L3MBTL2: variants seen among roughly 807,000 people sequenced by gnomAD.
The protein encoded by L3MBTL2 is L3MBTL histone methyl-lysine binding protein 2.
L3MBTL2 carries 49 observed loss-of-function variants against 86.4 expected under a neutral mutation model. The observed-to-expected ratio is 0.57, with a 90% CI of 0.45 to 0.72. The LOEUF is 0.72. L3MBTL2 is among the 30% of genes least tolerant of loss of function. L3MBTL2 has a pLI of 0.00. For missense variants in L3MBTL2, 755 were observed against 923.7 expected, an observed-to-expected ratio of 0.82 and a Z score of 2.37; for synonymous variants, 336 against 350.6, an observed-to-expected ratio of 0.96 and a Z score of 0.47.
chr22:41,212,542 C>T (rs1167751424), intron 2 of L3MBTL2, among the ~76,000 whole-genome samples: 11 of 151,722 alleles, frequency 7.3e-5, no homozygotes, highest in East Asian at 3.9e-4. Context: ...GGATTATAGA[C>T]GCCCACCACC....
In L3MBTL2 at chr22:41,227,791, C is replaced by G. The variant is rs771988586; in HGVS notation, c.1823-13C>G. 6.8e-6 allele frequency: 11 copies of G among 1,613,680 alleles called. No homozygotes were observed. The highest frequency in any genetic ancestry group is 9.3e-6 in the Non-Finnish European group (11 of 1,179,794). ...CTCTTCTCATCTCTTTCACCCTTGTCTTTCAACAACAGAACCGGCCACACC... is the reference window on the plus strand; with the variant it reads ...CTCTTCTCATCTCTTTCACCCTTGTGTTTCAACAACAGAACCGGCCACACC... On this transcript the variant is annotated splice_polypyrimidine_tract_variant and intron_variant, in intron 14 of 16. Coordinates refer to ENST00000216237, the MANE Select transcript of L3MBTL2 (RefSeq NM_031488.5). This position sits in a 1 kb window ranked among gnomAD's most constrained non-coding sequence, Gnocchi z 6.0.
intron 8 of L3MBTL2, among the ~76,000 whole-genome samples, chr22:41,222,143 T>C (rs958968799): frequency 2.6e-5 from 4 of 151,948 alleles, no homozygotes; most frequent in Non-Finnish European, 5.9e-5. Flanking sequence ...CCTCAAGTGA[T>C]CCACCTGCCT....
rs1396233756 is a variant in L3MBTL2, at chr22:41,230,350, CCT to C, written c.*104_*105del. ...ACCTGACTTTGGCTTGGAGACTGAT[CCT>C]CTCTGTGTAAATTCTGCCCGGTGCT... On this transcript the variant is annotated 3_prime_UTR_variant, in exon 17 of 17. Transcript: ENST00000216237. 1.1e-6 allele frequency: 1 copy of C among 873,488 alleles called. No homozygotes were observed. The highest frequency in any genetic ancestry group is 1.9e-6 in the Non-Finnish European group (1 of 534,934). The allele number at this position is 873,488 out of a possible 1,614,324, so 54.1% of individuals were successfully genotyped here. A position where few individuals can be genotyped will look rare whatever the true frequency, so the allele number is the denominator to read the frequency against.
rs2032044246 is a variant in L3MBTL2 at position 41,224,392 on chromosome 22, A to G, written c.1174+141A>G. On this transcript the variant is annotated intron_variant, in intron 9 of 16. Coordinates refer to ENST00000216237, the MANE Select transcript of L3MBTL2 (RefSeq NM_031488.5). The surrounding 1 kb of genome is among the most constrained non-coding windows in gnomAD (Gnocchi z 4.9). ...GCAGTGATGATACTGAGCTCCAGAG[A>G]GCTTGAGTAACTTGACAAAAGTCAC... is the stretch of plus-strand genomic sequence containing the variant. 1.6e-6 allele frequency: 1 copy of G among 640,082 alleles called. No individual in the cohort carries two copies. The highest frequency in any genetic ancestry group is 1.8e-5 in the African/African-American group (1 of 54,548). The allele number at this position is 640,082 out of a possible 1,614,324, so 39.7% of individuals were successfully genotyped here. A position where few individuals can be genotyped will look rare whatever the true frequency, so the allele number is the denominator to read the frequency against.
At chr22:41,219,360 C>G in intron 5 of L3MBTL2, 59 bp from the exon 6 acceptor site, 2 of 1,297,344 alleles carry the variant, frequency 1.5e-6, no homozygotes, top group Admixed American at 3.4e-5. Context: ...GTGAGGCAGT[C>G]TGTCTCCCCT....
Position 41,229,548 on chromosome 22 carries a change from AT to A in L3MBTL2, c.1898del (p.Ile633ThrfsTer42). 6.2e-7 allele frequency: 1 copy of A among 1,610,574 alleles called. No homozygotes were observed. Among genetic ancestry groups the A allele is most frequent in the Non-Finnish European group, 8.5e-7 (1 of 1,177,330 alleles). On this transcript the variant is annotated frameshift_variant, in exon 16 of 17. Transcript: ENST00000216237. LOFTEE classifies it high-confidence loss of function. ...TCCATTTTTATTCAAAGGGAAAAGA[AT>A]CCCGCCCACTAAGACGCGACCCCTC... ...KKQFGKKRKR[I>X]PPTKTRPLRQ...
chr22:41,213,167 A>C (rs955232033), intron 2 of L3MBTL2, among the ~76,000 whole-genome samples: 5 of 152,328 alleles, frequency 3.3e-5, no homozygotes, highest in Admixed American at 3.3e-4. Context: ...CAGTGAGCCA[A>C]GATTGCGCCA....
At chr22:41,230,105 C>G in intron 16 of L3MBTL2, 34 bp from the exon 17 acceptor site, 1 of 383,726 alleles carries the variant, frequency 2.6e-6, no homozygotes, top group Non-Finnish European at 5.0e-6. Context: ...GAGTTATTTA[C>G]TCGCCCACCC....
chr22:41,227,542 CTCT>C lies in L3MBTL2; in HGVS notation c.1822+220_1822+222del. On this transcript the variant is annotated intron_variant, in intron 14 of 16. Coordinates refer to ENST00000216237, the MANE Select transcript of L3MBTL2 (RefSeq NM_031488.5). This position sits in a 1 kb window ranked among gnomAD's most constrained non-coding sequence, Gnocchi z 6.0. ...AGAGCTCCTTCCTTCATCTTGCCCA[CTCT>C]GTCATATGTTCGTGCCCTTGTGCAC... is the stretch of plus-strand genomic sequence containing the variant. The C allele has an allele frequency of 6.6e-7, 1 of 1,509,594 alleles. No homozygotes were observed. Among genetic ancestry groups the C allele is most frequent in the Non-Finnish European group, 9.0e-7 (1 of 1,110,444 alleles). The allele number at this position is 1,509,594 out of a possible 1,614,324, so 93.5% of individuals were successfully genotyped here. A position where few individuals can be genotyped will look rare whatever the true frequency, so the allele number is the denominator to read the frequency against.
chr22:41,209,386 C>G (rs2030525540), intron 1 of L3MBTL2: 1 of 266,498 alleles, frequency 3.8e-6, no homozygotes. Context: ...GGATTACAGG[C>G]ATGAGCCACC....
chr22:41,230,306 C>T lies in L3MBTL2; in HGVS notation c.*55C>T, dbSNP rs1271106822. 6 of 1,244,640 alleles carry T rather than the reference C, an allele frequency of 4.8e-6. No homozygotes were observed. The highest frequency in any genetic ancestry group is 5.9e-6 in the Non-Finnish European group (5 of 848,924). The allele number at this position is 1,244,640 out of a possible 1,614,324, so 77.1% of individuals were successfully genotyped here. A position where few individuals can be genotyped will look rare whatever the true frequency, so the allele number is the denominator to read the frequency against. ...TGGAAGCCAGCCCAGCGTTTCTCTACCACCACCACCATGCCTCCACCTGAC... is the reference window on the plus strand; with the variant it reads ...TGGAAGCCAGCCCAGCGTTTCTCTATCACCACCACCATGCCTCCACCTGAC... On this transcript the variant is annotated 3_prime_UTR_variant, in exon 17 of 17. Transcript: ENST00000216237.
intron 1 of L3MBTL2, chr22:41,205,883 T>C (rs2030171503): frequency 6.2e-6 from 1 of 161,008 alleles, no homozygotes; most frequent in African/African-American, 2.4e-5. Context: ...CCCAGGAAGT[T>C]ACCCCGGCTG....
chr22:41,213,662 T>C (rs1189977164), intron 2 of L3MBTL2: 6 of 396,280 alleles, frequency 1.5e-5, no homozygotes. Flanking sequence ...GGATTTCCAT[T>C]AGCCCCTCTG....
chr22:41,210,698 A>G (rs1485183571), intron 2 of L3MBTL2, among the ~76,000 whole-genome samples: 1 of 152,026 alleles, frequency 6.6e-6, no homozygotes, highest in Non-Finnish European at 1.5e-5. Flanking sequence ...TCCTGAACTC[A>G]GGTGATCCAC....
rs766487650 is a variant in L3MBTL2 at position 41,225,458 on chromosome 22, C to T, written c.1357-336C>T. Among the ~76,000 whole-genome samples, 8 of 152,220 alleles carry T rather than the reference C, an allele frequency of 5.3e-5. No homozygotes were observed. The highest frequency in any genetic ancestry group is 1.2e-4 in the Non-Finnish European group (8 of 68,036). ...CCTCCTCCTGAGCAGCACCCCCACC[C>T]CTCCTTGGCCCTCCTGGAGGAGGCT... On this transcript the variant is annotated intron_variant, in intron 11 of 16. Coordinates refer to ENST00000216237, the MANE Select transcript of L3MBTL2 (RefSeq NM_031488.5). The surrounding 1 kb of genome is among the most constrained non-coding windows in gnomAD (Gnocchi z 4.1).
intron 8 of L3MBTL2, among the ~76,000 whole-genome samples, chr22:41,222,930 A>T (rs1163396501): frequency 6.6e-6 from 1 of 152,208 alleles, no homozygotes; most frequent in Admixed American, 6.5e-5. Context: ...TTTCAAAAAA[A>T]AAAACAAAAA....
At chr22:41,228,276 C>T (rs539325687) in intron 15 of L3MBTL2, 148 of 985,336 alleles carry the variant, frequency 1.5e-4, no homozygotes, top group Admixed American at 1.2e-3. Context: ...ATTCTTACCT[C>T]GAGACCTCTT....
In L3MBTL2 at chr22:41,227,906, CCTGGGAGCAGTGGG is replaced by C; in HGVS notation, c.1888+39_1888+52del. The C allele has an allele frequency of 6.2e-7, 1 of 1,606,028 alleles. No individual in the cohort carries two copies. The highest frequency in any genetic ancestry group is 8.5e-7 in the Non-Finnish European group (1 of 1,176,124). On this transcript the variant is annotated intron_variant, in intron 15 of 16. Coordinates refer to ENST00000216237, the MANE Select transcript of L3MBTL2 (RefSeq NM_031488.5). This position sits in a 1 kb window ranked among gnomAD's most constrained non-coding sequence, Gnocchi z 6.0. ...ACCGGTGCAGCCAGGCTGGTGTGGGCCTGGGAGCAGTGGGCCTGCGTCCCTGGGAGCAGGCGGGG... is the reference window on the plus strand; with the variant it reads ...ACCGGTGCAGCCAGGCTGGTGTGGGCCCTGCGTCCCTGGGAGCAGGCGGGG...
intron 6 of L3MBTL2, among the ~76,000 whole-genome samples, chr22:41,220,042 C>G (rs1465978550): frequency 6.6e-6 from 1 of 152,092 alleles, no homozygotes; most frequent in Non-Finnish European, 1.5e-5. Flanking sequence ...TGGCTGGAAA[C>G]CCCAATTTTT....
Sources: allele counts gnomAD v4.1 joint callset (sites outside exome capture counted in the v4.1 genomes callset), GRCh38; gene constraint gnomAD v4.1.1; non-coding constraint Gnocchi (gnomAD v3.1); transcripts MANE v1.5; gene names NCBI Gene and HGNC (gene_info 2026-07-23, HGNC 2026-07-21).